Variants in AFG2A observed in about 807,000 individuals in gnomAD.
AFG2A encodes AAA ATPase AFG2A.
chr4:123,025,819 A>G, the AFG2A span, among the ~76,000 whole-genome samples: 1 of 152,184 alleles, frequency 6.6e-6, no homozygotes, highest in African/African-American at 2.4e-5. Context: ...GGAGTTTATA[A>G]TACCAAGAAT....
the AFG2A span, among the ~76,000 whole-genome samples, chr4:123,276,312 G>T: frequency 2.0e-5 from 3 of 152,084 alleles, no homozygotes; most frequent in South Asian, 2.1e-4. Context: ...CATATTCTTT[G>T]CCCACTTTTT....
chr4:123,184,152 A>G, the AFG2A span, among the ~76,000 whole-genome samples: 2 of 152,096 alleles, frequency 1.3e-5, no homozygotes, highest in African/African-American at 4.8e-5. Flanking sequence ...AAGCTGGTGT[A>G]TGTAAAAATA....
the AFG2A span, chr4:122,934,737 T>G: frequency 1.9e-6 from 3 of 1,553,762 alleles, no homozygotes; most frequent in Non-Finnish European, 2.6e-6. Flanking sequence ...TCAAGAGTTA[T>G]GGTATGATGT....
At chr4:122,997,458 C>T in the AFG2A span, among the ~76,000 whole-genome samples, 1 of 152,128 alleles carries the variant, frequency 6.6e-6, no homozygotes, top group Non-Finnish European at 1.5e-5. Flanking sequence ...CATGTTGCAG[C>T]ATGTATCAGT....
chr4:122,932,481 C>G, the AFG2A span, among the ~76,000 whole-genome samples: 1 of 152,060 alleles, frequency 6.6e-6, no homozygotes, highest in Non-Finnish European at 1.5e-5. Context: ...GCATGAGCCA[C>G]CATGCTCAGT....
chr4:123,018,503 G>A, the AFG2A span, among the ~76,000 whole-genome samples: 10 of 152,166 alleles, frequency 6.6e-5, no homozygotes, highest in Admixed American at 1.3e-4. Context: ...CTGAAGGTAG[G>A]ATAGTGAAAC....
the AFG2A span, among the ~76,000 whole-genome samples, chr4:122,942,469 C>T: frequency 0.041 from 6,106 of 148,752 alleles, 403 homozygotes; most frequent in African/African-American, 0.15. Context: ...TCTGTGGGAT[C>T]GGTGCTGATA....
At chr4:123,009,435 CAT>C in the AFG2A span, among the ~76,000 whole-genome samples, 1 of 152,188 alleles carries the variant, frequency 6.6e-6, no homozygotes, top group African/African-American at 2.4e-5. Flanking sequence ...GCCCAAGGTA[CAT>C]ACATACTGGG....
At chr4:123,112,168 C>G in the AFG2A span, among the ~76,000 whole-genome samples, 2 of 152,082 alleles carry the variant, frequency 1.3e-5, no homozygotes, top group African/African-American at 4.8e-5. Flanking sequence ...TAGAGTCTCC[C>G]TTTGAGTGGA....
At chr4:123,067,519 C>A in the AFG2A span, among the ~76,000 whole-genome samples, 7 of 150,856 alleles carry the variant, frequency 4.6e-5, no homozygotes, top group Admixed American at 2.6e-4. Context: ...TCCATCCCCC[C>A]CAAAAAAAAG....
the AFG2A span, among the ~76,000 whole-genome samples, chr4:123,046,932 A>G: frequency 3.3e-5 from 5 of 152,086 alleles, no homozygotes; most frequent in Non-Finnish European, 7.4e-5. Flanking sequence ...TAACATAATG[A>G]CCTCTCATTT....
chr4:123,057,164 C>G, the AFG2A span: 2 of 1,598,000 alleles, frequency 1.3e-6, no homozygotes, highest in South Asian at 2.2e-5. Context: ...ACAGAATTTT[C>G]TAGTGTTTGC....
chr4:123,045,204 A>C, the AFG2A span, among the ~76,000 whole-genome samples: 9 of 152,024 alleles, frequency 5.9e-5, no homozygotes, highest in Admixed American at 4.6e-4. Flanking sequence ...TAAGATCTCT[A>C]AACTTTACAG....
At chr4:123,082,024 A>G in the AFG2A span, among the ~76,000 whole-genome samples, 1 of 152,064 alleles carries the variant, frequency 6.6e-6, no homozygotes, top group African/African-American at 2.4e-5. Flanking sequence ...TATGTTTTGG[A>G]TAACAGTCTT....
the AFG2A span, among the ~76,000 whole-genome samples, chr4:123,032,847 A>G: frequency 6.6e-6 from 1 of 152,260 alleles, no homozygotes; most frequent in Non-Finnish European, 1.5e-5. Flanking sequence ...TCTAGAATGT[A>G]CTGTGTTGCC....
At chr4:123,281,249 C>T in the AFG2A span, among the ~76,000 whole-genome samples, 1 of 152,020 alleles carries the variant, frequency 6.6e-6, no homozygotes, top group Non-Finnish European at 1.5e-5. Context: ...ACAAAGCTAA[C>T]AGGAAAATAT....
chr4:123,016,572 G>A, the AFG2A span, among the ~76,000 whole-genome samples: 1 of 151,362 alleles, frequency 6.6e-6, no homozygotes, highest in East Asian at 2.0e-4. Context: ...ATGGCGGCCG[G>A]GTAGAGGTGC....
chr4:123,165,199 G>A, the AFG2A span, among the ~76,000 whole-genome samples: 1 of 152,068 alleles, frequency 6.6e-6, no homozygotes, highest in East Asian at 1.9e-4. Context: ...TAGATTATTA[G>A]TTGCCTTGGG....
At chr4:123,134,595 A>ATTTTT in the AFG2A span, among the ~76,000 whole-genome samples, 11 of 132,694 alleles carry the variant, frequency 8.3e-5, no homozygotes, top group South Asian at 2.4e-4. Context: ...GAATTTTAGG[A>ATTTTT]TTTTTTTTTT....
Sources: allele counts gnomAD v4.1 joint callset (sites outside exome capture counted in the v4.1 genomes callset), GRCh38; gene constraint gnomAD v4.1.1; transcripts MANE v1.5; gene names NCBI Gene and HGNC (gene_info 2026-07-23, HGNC 2026-07-21).